BNC2: variants seen among roughly 807,000 people sequenced by gnomAD.
BNC2 encodes basonuclin zinc finger protein 2, also known as zinc finger protein basonuclin-2.
A neutral mutation model predicts 76.3 loss-of-function variants in BNC2; 20 were observed. The observed-to-expected ratio is 0.26, with a 90% confidence interval of 0.18 to 0.38. The LOEUF (loss-of-function observed/expected upper bound fraction) is 0.38. BNC2 is among the 10% of genes least tolerant of loss of function. BNC2 has a pLI of 1.00. For missense variants in BNC2, 1,382 were observed against 1,399.8 expected (o/e 0.99, Z 0.20); for synonymous variants, 582 against 514.8 (o/e 1.13, Z -1.77).
intron 1 of BNC2, among the ~76,000 whole-genome samples, chr9:16,819,749 G>C (rs370661799): frequency 1.1e-4 from 16 of 151,988 alleles, no homozygotes; most frequent in African/African-American, 3.6e-4. Context: ...ATGCCAGTAG[G>C]TACCCATACC....
At chr9:16,792,209 C>G (rs1181940281) in intron 1 of BNC2, among the ~76,000 whole-genome samples, 2 of 150,152 alleles carry the variant, frequency 1.3e-5, no homozygotes, top group Non-Finnish European at 2.9e-5. Context: ...TTACAATCCT[C>G]ATGACAACCT....
chr9:16,848,010 T>C (rs986621515), intron 1 of BNC2, among the ~76,000 whole-genome samples: 1 of 152,188 alleles, frequency 6.6e-6, no homozygotes, highest in African/African-American at 2.4e-5. Context: ...TAAGTCTCTG[T>C]TCAAAGACAA....
chr9:16,821,325 G>A (rs1818324378), intron 1 of BNC2, among the ~76,000 whole-genome samples: 1 of 151,932 alleles, frequency 6.6e-6, no homozygotes, highest in Non-Finnish European at 1.5e-5. Context: ...CTGAAATTTT[G>A]ATATTACTTT....
At chr9:16,649,323 C>T (rs1290296580) in intron 3 of BNC2, among the ~76,000 whole-genome samples, 1 of 152,172 alleles carries the variant, frequency 6.6e-6, no homozygotes, top group Admixed American at 6.5e-5. Context: ...TAGTTTTGAA[C>T]AAGACTTTCC....
At chr9:16,435,203 G>A in intron 6 of BNC2, 3 of 385,814 alleles carry the variant, frequency 7.8e-6, no homozygotes, top group Non-Finnish European at 1.5e-5. Context: ...TATAACAGAA[G>A]CTGTGGCTTC....
At chr9:16,848,770 A>G (rs1011889719) in intron 1 of BNC2, among the ~76,000 whole-genome samples, 2 of 152,212 alleles carry the variant, frequency 1.3e-5, no homozygotes, top group African/African-American at 4.8e-5. Context: ...AAATCCAAAA[A>G]TCATAAAATG....
intron 3 of BNC2, among the ~76,000 whole-genome samples, chr9:16,670,093 G>C (rs925738340): frequency 2.0e-5 from 3 of 152,056 alleles, no homozygotes; most frequent in African/African-American, 7.2e-5. Flanking sequence ...ATCCCACTGG[G>C]TACTATTTTT....
intron 1 of BNC2, among the ~76,000 whole-genome samples, chr9:16,745,629 G>A (rs1824978679): frequency 6.6e-6 from 1 of 152,180 alleles, no homozygotes; most frequent in African/African-American, 2.4e-5. Context: ...CATATATGGA[G>A]AGTTCATTCA....
At chr9:16,762,366 C>G (rs185944491) in intron 1 of BNC2, among the ~76,000 whole-genome samples, 19 of 152,250 alleles carry the variant, frequency 1.2e-4, no homozygotes, top group African/African-American at 4.6e-4. Flanking sequence ...CACCCTACCC[C>G]CAAATGTTTT....
chr9:16,790,987 C>T (rs991832698), intron 1 of BNC2, among the ~76,000 whole-genome samples: 5 of 152,032 alleles, frequency 3.3e-5, no homozygotes, highest in African/African-American at 7.2e-5. Context: ...GAAGGCAACA[C>T]GACTACATGC....
chr9:16,717,334 T>C (rs918087628), intron 3 of BNC2, among the ~76,000 whole-genome samples: 2 of 152,110 alleles, frequency 1.3e-5, no homozygotes, highest in Non-Finnish European at 2.9e-5. Flanking sequence ...TTTTTAAGTA[T>C]ATAGCTTTAG....
At chr9:16,588,814 T>C (rs888009326) in intron 3 of BNC2, among the ~76,000 whole-genome samples, 4 of 152,220 alleles carry the variant, frequency 2.6e-5, no homozygotes, top group South Asian at 4.1e-4. Flanking sequence ...TTTATGTGAA[T>C]TGAACCCCAA....
chr9:16,625,161 T>C (rs1820959389), intron 3 of BNC2, among the ~76,000 whole-genome samples: 1 of 152,224 alleles, frequency 6.6e-6, no homozygotes, highest in South Asian at 2.1e-4. Flanking sequence ...TGAACATGCA[T>C]CTACCCTATG....
intron 3 of BNC2, among the ~76,000 whole-genome samples, chr9:16,610,445 C>G (rs1820512950): frequency 1.3e-5 from 2 of 152,072 alleles, no homozygotes; most frequent in Admixed American, 6.6e-5. Flanking sequence ...ACTACAGATA[C>G]AAGTTTGAAG....
chr9:16,574,953 C>G (rs554525815), intron 4 of BNC2, among the ~76,000 whole-genome samples: 1 of 152,326 alleles, frequency 6.6e-6, no homozygotes, highest in South Asian at 2.1e-4. Flanking sequence ...AACTTTTAAT[C>G]ACTCTACTTT....
intron 3 of BNC2, among the ~76,000 whole-genome samples, chr9:16,701,818 T>C (rs562270613): frequency 1.3e-5 from 2 of 150,660 alleles, no homozygotes; most frequent in East Asian, 3.9e-4. Context: ...GGCAGGCACC[T>C]GTAATCCAAG....
intron 3 of BNC2, among the ~76,000 whole-genome samples, chr9:16,602,841 A>G (rs1820281400): frequency 1.3e-5 from 2 of 152,218 alleles, no homozygotes; most frequent in Admixed American, 6.5e-5. Context: ...ATCCAGGAAC[A>G]TGGATTTTTA....
At chr9:16,620,142 C>T (rs978285977) in intron 3 of BNC2, among the ~76,000 whole-genome samples, 1 of 152,088 alleles carries the variant, frequency 6.6e-6, no homozygotes, top group African/African-American at 2.4e-5. Flanking sequence ...TTCAATGAAG[C>T]TTGACGCCAT....
intron 5 of BNC2, among the ~76,000 whole-genome samples, chr9:16,443,964 A>C (rs1231712840): frequency 6.6e-6 from 1 of 152,146 alleles, no homozygotes; most frequent in African/African-American, 2.4e-5. Context: ...ATTGTATGGA[A>C]AGTATACTTC....
Sources: allele counts gnomAD v4.1 joint callset (sites outside exome capture counted in the v4.1 genomes callset), GRCh38; gene constraint gnomAD v4.1.1; transcripts MANE v1.5; gene names NCBI Gene and HGNC (gene_info 2026-07-23, HGNC 2026-07-21).